Variants in ZFP90 observed in about 807,000 individuals in gnomAD.
ZFP90 encodes ZFP90 zinc finger protein.
Under a neutral mutation model 60.8 loss-of-function variants are expected in ZFP90, and 38 were observed. The ratio of observed to expected loss-of-function variants is 0.62; its 90% CI spans 0.48 to 0.82. The LOEUF (loss-of-function observed/expected upper bound fraction) is 0.82, where lower values mean the gene tolerates loss of function less well. Among genes scored for constraint, ZFP90 ranks in the 40% least tolerant of loss-of-function variants. The pLI is 0.00. For synonymous variants in ZFP90, 287 were observed against 264.8 expected, an observed-to-expected ratio of 1.08 and a Z score of -0.82; for missense variants, 711 against 759.1, an observed-to-expected ratio of 0.94 and a Z score of 0.74.
intron 2 of ZFP90, among the ~76,000 whole-genome samples, chr16:68,547,754 A>C (rs1459100670): frequency 1.3e-5 from 2 of 152,060 alleles, no homozygotes; most frequent in Non-Finnish European, 2.9e-5. Context: ...TTGTTTCTGA[A>C]ATTTTTACTA....
intron 2 of ZFP90, among the ~76,000 whole-genome samples, chr16:68,541,627 T>C (rs897774274): frequency 6.6e-6 from 1 of 152,100 alleles, no homozygotes; most frequent in African/African-American, 2.4e-5. Context: ...TACTTCTTAT[T>C]ATATGTTTCT....
chr16:68,536,134 C>T (rs1182412204), upstream of ZFP90, among the ~76,000 whole-genome samples: 1 of 152,314 alleles, frequency 6.6e-6, no homozygotes, highest in Middle Eastern at 3.4e-3. Flanking sequence ...TCCTTACAAA[C>T]AGCGTTGTTC....
At chr16:68,542,442 TTAGC>T (rs920030506) in intron 2 of ZFP90, among the ~76,000 whole-genome samples, 1 of 151,926 alleles carries the variant, frequency 6.6e-6, no homozygotes, top group Non-Finnish European at 1.5e-5. Flanking sequence ...AATACAAAAA[TTAGC>T]TAGCCATGGT....
chr16:68,537,387 A>G (rs1227101378), upstream of ZFP90, among the ~76,000 whole-genome samples: 6 of 152,030 alleles, frequency 3.9e-5, no homozygotes, highest in Admixed American at 3.3e-4. Flanking sequence ...CAGCCTCCCA[A>G]AGTGCTGGGA....
At chr16:68,550,537 CA>C (rs1319003701) in intron 2 of ZFP90, among the ~76,000 whole-genome samples, 1 of 152,232 alleles carries the variant, frequency 6.6e-6, no homozygotes, top group Non-Finnish European at 1.5e-5. Context: ...AGGTGTGAGC[CA>C]CTGCGCCTGG....
At chr16:68,535,300 T>G (rs2090952072), upstream of ZFP90, among the ~76,000 whole-genome samples, 1 of 152,224 alleles carries the variant, frequency 6.6e-6, no homozygotes, top group African/African-American at 2.4e-5. Context: ...TTACAAATTC[T>G]CGGGAAAGAT....
In ZFP90 at chr16:68,564,014, T is replaced by G. The variant is rs1372684437; in HGVS notation, c.1227T>G (p.Leu409=). ...CGRAFGQSPS[L]YKHMRIHKRG... ...GGGCTTTTGGTCAGAGCCCATCCCTTTATAAACATATGAGGATTCATAAGA... is the reference window on the plus strand; with the variant it reads ...GGGCTTTTGGTCAGAGCCCATCCCTGTATAAACATATGAGGATTCATAAGA... Residue 409 remains leucine (L), a synonymous_variant, in exon 5 of 5, where the codon CTT becomes CTG. Coordinates refer to ENST00000563169, the MANE Select transcript of ZFP90 (RefSeq NM_001305203.2). The G allele has an allele frequency of 1.2e-6, 2 of 1,613,930 alleles. No individual in the cohort carries two copies. The highest frequency in any genetic ancestry group is 2.2e-5 in the East Asian group (1 of 44,836).
At chr16:68,546,500 C>G (rs1372114718) in intron 2 of ZFP90, among the ~76,000 whole-genome samples, 1 of 152,214 alleles carries the variant, frequency 6.6e-6, no homozygotes, top group East Asian at 1.9e-4. Context: ...TAAGTGGAAT[C>G]AAACAGTATG....
At chr16:68,553,685 C>T (rs1352612467) in intron 2 of ZFP90, among the ~76,000 whole-genome samples, 17 of 152,116 alleles carry the variant, frequency 1.1e-4, no homozygotes, top group Non-Finnish European at 2.9e-5. Flanking sequence ...GTGGTGTCAT[C>T]GTGGCTCACT....
At chr16:68,562,400 T>G (rs1377310031) in intron 4 of ZFP90, 2 of 152,398 alleles carry the variant, frequency 1.3e-5, no homozygotes, top group Non-Finnish European at 2.9e-5. Flanking sequence ...TTAGCCAGAT[T>G]GAAATAAATT....
chr16:68,543,885 T>G, intron 2 of ZFP90, among the ~76,000 whole-genome samples: 1 of 136,118 alleles, frequency 7.3e-6, no homozygotes, highest in Non-Finnish European at 1.5e-5. Context: ...TTTTTCGAGG[T>G]AGAGTCTTGC....
At chr16:68,535,653 C>T (rs183146448), upstream of ZFP90, 3 of 151,874 alleles carry the variant, frequency 2.0e-5, no homozygotes, top group East Asian at 1.9e-4. Context: ...ACAGTCTCTA[C>T]GGAGACTGAA....
At position 68,566,338 on chromosome 16, in the gene ZFP90, T is replaced by C. The variant is rs568567965; in HGVS notation, c.*1640T>C. 9.1e-6 allele frequency: 9 copies of C among 983,984 alleles called. No individual in the cohort carries two copies. The highest frequency in any genetic ancestry group is 1.1e-5 in the Non-Finnish European group (9 of 829,888). The allele number at this position is 983,984 out of a possible 1,614,324, so 61.0% of individuals were successfully genotyped here. A position where few individuals can be genotyped will look rare whatever the true frequency, so the allele number is the denominator to read the frequency against. On this transcript the variant is annotated 3_prime_UTR_variant, in exon 5 of 5. Transcript: ENST00000563169. The stretch of plus-strand genomic sequence containing the variant: ...TTACACAAGAGCTGCCTCCCAAAGA[T>C]AGATAAATTTTCCCAGCCCTAAATA...
At chr16:68,541,614 A>G (rs2091051318) in intron 2 of ZFP90, among the ~76,000 whole-genome samples, 2 of 152,064 alleles carry the variant, frequency 1.3e-5, no homozygotes, top group Non-Finnish European at 2.9e-5. Flanking sequence ...TTATATATAT[A>G]TATACTTCTT....
At chr16:68,533,535 A>G (rs1044617623) in intron 1 of ZFP90, among the ~76,000 whole-genome samples, 3 of 152,142 alleles carry the variant, frequency 2.0e-5, no homozygotes, top group Admixed American at 1.3e-4. Flanking sequence ...TTTTCCTTCC[A>G]TTTGAAAGAC....
Position 68,564,952 on chromosome 16 carries a change from G to A in ZFP90, c.*254G>A, listed in dbSNP as rs1320556368. ...ATGATATGCCTGTATGTTGGACTTT[G>A]CTTTTGAATATATGTATGCAGGATA... On this transcript the variant is annotated 3_prime_UTR_variant, in exon 5 of 5. Transcript: ENST00000563169. The A allele has an allele frequency of 1.6e-6, 2 of 1,218,656 alleles. No homozygotes were observed. The highest frequency in any genetic ancestry group is 2.0e-6 in the Non-Finnish European group (2 of 978,300). 75.5% of individuals were successfully genotyped at this position (1,218,656 alleles called of 1,614,324 possible).
chr16:68,553,982 G>T (rs1260421259), intron 2 of ZFP90, among the ~76,000 whole-genome samples: 1 of 152,076 alleles, frequency 6.6e-6, no homozygotes, highest in Non-Finnish European at 1.5e-5. Context: ...GACTTGGGTG[G>T]TGGGGCAAGA....
upstream of ZFP90, among the ~76,000 whole-genome samples, chr16:68,537,675 C>A (rs867748655): frequency 6.6e-6 from 1 of 152,132 alleles, no homozygotes; most frequent in Non-Finnish European, 1.5e-5. Flanking sequence ...AAACGATCTT[C>A]CCACCTCAGC....
chr16:68,573,007 A>G (rs1015880918), intron 2 of ZFP90, among the ~76,000 whole-genome samples: 4 of 152,260 alleles, frequency 2.6e-5, no homozygotes, highest in African/African-American at 9.6e-5. Context: ...AGAGATCACA[A>G]GTCAGGATTT....
Sources: gnomAD v4.1 joint callset for allele counts (sites outside exome capture counted in the v4.1 genomes callset) on GRCh38, gnomAD v4.1.1 for gene constraint, MANE v1.5 for transcripts, NCBI Gene and HGNC (gene_info 2026-07-23, HGNC 2026-07-21) for gene names.